Variants in LAMP1 observed in about 807,000 individuals in gnomAD.
LAMP1 encodes lysosome-associated membrane glycoprotein 1.
LAMP1 carries 7 observed loss-of-function variants against 37.5 expected under a neutral mutation model. The observed-to-expected ratio is 0.19, with a 90% CI of 0.11 to 0.35. LAMP1 has a LOEUF of 0.35. LAMP1 is among the 10% of genes least tolerant of loss of function. The pLI, the probability that LAMP1 is intolerant of heterozygous loss-of-function variation, is 1.00. For missense variants in LAMP1, 537 were observed against 552.8 expected, an observed-to-expected ratio of 0.97 and a Z score of 0.29; for synonymous variants, 236 against 229.1, an observed-to-expected ratio of 1.03 and a Z score of -0.27.
In LAMP1 at chr13:113,301,637, AAAAAAAAATATATATATAT is replaced by A. The variant is rs1283731120; in HGVS notation, c.61+4144_61+4162del. ...GACTCTGTTTCCATTTAAAAAAAAA[AAAAAAAAATATATATATAT>A]ATATATATATATATATATATATATA... On this transcript the variant is annotated intron_variant, in intron 1 of 8. Transcript: ENST00000332556. 3.6e-3 allele frequency among the ~76,000 whole-genome samples: 95 copies of A among 26,142 alleles called. 3 individuals are homozygous for A. The highest frequency in any genetic ancestry group is 9.1e-3 in the African/African-American group (84 of 9,250). 17.2% of individuals were successfully genotyped at this position (26,142 alleles called of 152,430 possible).
chr13:113,297,598 C>G lies in LAMP1; in HGVS notation c.61+103C>G, dbSNP rs546652411. The G allele has an allele frequency of 4.3e-5, 47 of 1,093,678 alleles. No individual in the cohort carries two copies. In the East Asian group the frequency reaches 1.6e-3, roughly 38 times the overall value. The allele number at this position is 1,093,678 out of a possible 1,614,324, so 67.7% of individuals were successfully genotyped here. A position where few individuals can be genotyped will look rare whatever the true frequency, so the allele number is the denominator to read the frequency against. ...TGCCGGGTCGTTGTCCCGCGGGTCG[C>G]CCCGCACCCACTGCTCCTGGTCCCG... On this transcript the variant is annotated intron_variant, in intron 1 of 8. Transcript: ENST00000332556. This position sits in a 1 kb window ranked among gnomAD's most constrained non-coding sequence, Gnocchi z 4.4.
At chr13:113,316,159 G>A (rs149465532) in intron 4 of LAMP1, among the ~76,000 whole-genome samples, 1 of 152,292 alleles carries the variant, frequency 6.6e-6, no homozygotes, top group East Asian at 1.9e-4. Flanking sequence ...TCTGAGTGCA[G>A]CTCTGCCTGA....
At chr13:113,317,250 C>CG (rs1170734504) in intron 4 of LAMP1, among the ~76,000 whole-genome samples, 1 of 152,160 alleles carries the variant, frequency 6.6e-6, no homozygotes, top group Admixed American at 6.6e-5. Context: ...CATCTCCCCC[C>CG]GGGCAGCGCA....
At position 113,297,535 on chromosome 13, in the gene LAMP1, G is replaced by A; in HGVS notation, c.61+40G>A. On this transcript the variant is annotated intron_variant, in intron 1 of 8. Coordinates refer to ENST00000332556, the MANE Select transcript of LAMP1 (RefSeq NM_005561.4). The surrounding 1 kb of genome is among the most constrained non-coding windows in gnomAD (Gnocchi z 4.4). ...GCGGGGCCTGGGAGCGGCGGGACCG[G>A]GCGGAGCCGAGGTCCCTGGGTCTTG... 8.1e-7 allele frequency: 1 copy of A among 1,228,108 alleles called. No individual in the cohort carries two copies. Among genetic ancestry groups the A allele is most frequent in the East Asian group, 3.2e-5 (1 of 31,298 alleles). The allele number at this position is 1,228,108 out of a possible 1,614,324, so 76.1% of individuals were successfully genotyped here.
At chr13:113,318,688 C>T (rs1038803924) in intron 4 of LAMP1, among the ~76,000 whole-genome samples, 1 of 152,060 alleles carries the variant, frequency 6.6e-6, no homozygotes, top group Non-Finnish European at 1.5e-5. Context: ...CCATGTGCCC[C>T]CCCACCCCCA....
rs183236213 is a variant in LAMP1 at position 113,299,363 on chromosome 13, C to T, written c.61+1868C>T. Among the ~76,000 whole-genome samples the T allele has an allele frequency of 2.4e-3, 363 of 150,566 alleles. 3 individuals carry two copies. Among genetic ancestry groups the T allele is most frequent in the African/African-American group, 8.5e-3 (350 of 41,004 alleles). Reference sequence around the variant, plus strand: ...CACTACAACTTCTGCCTCCTGGGTTCGAGCAATTCTTCTGCCTCAGCTTCC... The same window carrying T: ...CACTACAACTTCTGCCTCCTGGGTTTGAGCAATTCTTCTGCCTCAGCTTCC... On this transcript the variant is annotated intron_variant, in intron 1 of 8. Transcript: ENST00000332556.
At chr13:113,308,436 A>G in intron 2 of LAMP1, among the ~76,000 whole-genome samples, 1 of 142,332 alleles carries the variant, frequency 7.0e-6, no homozygotes, top group Non-Finnish European at 1.5e-5. Flanking sequence ...GGGTTCAAGC[A>G]ATTCTTCTGC....
chr13:113,307,957 CAAAAAAAA>C (rs56212251), intron 2 of LAMP1, among the ~76,000 whole-genome samples: 3 of 59,900 alleles, frequency 5.0e-5, no homozygotes, highest in African/African-American at 5.9e-5. Context: ...AGACCATCTC[CAAAAAAAA>C]AAAAAAAAAA....
chr13:113,301,642 AAAATATATAT>A (rs1280352693), intron 1 of LAMP1, among the ~76,000 whole-genome samples: 14 of 37,482 alleles, frequency 3.7e-4, no homozygotes, highest in African/African-American at 2.3e-3. Context: ...AAAAAAAAAA[AAAATATATAT>A]ATATATATAT....
At chr13:113,322,159 C>G (rs1595465551) in intron 8 of LAMP1, 123 bp from the exon 9 acceptor site, 1 of 1,148,416 alleles carries the variant, frequency 8.7e-7, no homozygotes. Context: ...CCAGCTAGAG[C>G]TGGAACCTTC....
At chr13:113,298,097 C>G (rs866897028) in intron 1 of LAMP1, among the ~76,000 whole-genome samples, 2 of 152,098 alleles carry the variant, frequency 1.3e-5, no homozygotes, top group African/African-American at 4.8e-5. Context: ...TTAAAGTTAT[C>G]TTTGGGATTT....
intron 1 of LAMP1, among the ~76,000 whole-genome samples, chr13:113,303,323 G>T (rs1248184005): frequency 2.6e-5 from 4 of 152,188 alleles, no homozygotes; most frequent in African/African-American, 9.7e-5. Flanking sequence ...CCAAGTGGGG[G>T]TATTTTGAAG....
rs571760074 is a variant in LAMP1 at position 113,300,688 on chromosome 13, C to T, written c.61+3193C>T. On this transcript the variant is annotated intron_variant, in intron 1 of 8. Transcript: ENST00000332556. Reference sequence around the variant, plus strand: ...AAAAAGTTAGCCAGGCGTAGTGGCACAGGCCTGTAGTCCCAGTTACTCAGG... The same window carrying T: ...AAAAAGTTAGCCAGGCGTAGTGGCATAGGCCTGTAGTCCCAGTTACTCAGG... Among the ~76,000 whole-genome samples the T allele has an allele frequency of 4.6e-5, 7 of 151,326 alleles. No homozygotes were observed. In the South Asian group the frequency reaches 1.5e-3, roughly 32 times the overall value.
rs771842406 is a variant in LAMP1, at chr13:113,322,267, C to T, written c.1115-15C>T. 3.1e-5 allele frequency: 49 copies of T among 1,604,688 alleles called. 2 individuals are homozygous for T. Among genetic ancestry groups the T allele is most frequent in the South Asian group, 3.0e-4 (27 of 90,382 alleles). On this transcript the variant is annotated splice_polypyrimidine_tract_variant and intron_variant, in intron 8 of 8. Transcript: ENST00000332556. ...GTGTGAGCAGAGCCCTGACACCATCCGTCTGTCTTGGCAGTGGAGGAGTGT... is the reference window on the plus strand; with the variant it reads ...GTGTGAGCAGAGCCCTGACACCATCTGTCTGTCTTGGCAGTGGAGGAGTGT...
At position 113,308,253 on chromosome 13, in the gene LAMP1, T is replaced by C. The variant is rs1833346390; in HGVS notation, c.184-1390T>C. Among the ~76,000 whole-genome samples the C allele has an allele frequency of 1.3e-5, 2 of 151,342 alleles. 1 individual carries two copies. Among genetic ancestry groups the C allele is most frequent in the South Asian group, 4.2e-4 (2 of 4,808 alleles). ...CTGGTCTTAAACTACTGGCCTCAAG[T>C]GATCTGCCCACCTTGGCCTCCCAAA... On this transcript the variant is annotated intron_variant, in intron 2 of 8. Coordinates refer to ENST00000332556, the MANE Select transcript of LAMP1 (RefSeq NM_005561.4).
rs760942957 is a variant in LAMP1 at position 113,309,693 on chromosome 13, C to T, written c.234C>T (p.Ser78=). ...ATGCCACAGTGGTGCTCAACCGCAG[C>T]TCCTGTGGAAAAGAGAACACTTCTG... is the stretch of plus-strand genomic sequence containing the variant. ...PSDATVVLNR[S]SCGKENTSDP... is the part of the protein sequence containing the mutation. The change falls in exon 3 of 9, where the codon AGC becomes AGT. Residue 78 remains serine, a synonymous_variant. Coordinates refer to ENST00000332556, the MANE Select transcript of LAMP1 (RefSeq NM_005561.4). 1.2e-6 allele frequency: 2 copies of T among 1,614,186 alleles called. No homozygotes were observed. The highest frequency in any genetic ancestry group is 2.7e-5 in the African/African-American group (2 of 75,028).
chr13:113,302,110 A>G (rs974172328), intron 1 of LAMP1, among the ~76,000 whole-genome samples: 3 of 151,730 alleles, frequency 2.0e-5, no homozygotes, highest in Admixed American at 1.3e-4. Context: ...TGATCTGCCC[A>G]CCTCGGCCTC....
chr13:113,309,529 T>A, intron 2 of LAMP1, 114 bp from the exon 3 acceptor site: 1 of 767,012 alleles, frequency 1.3e-6, no homozygotes. Context: ...TCAGTAGTGA[T>A]ATCTTAGTTG....
At position 113,297,715 on chromosome 13, in the gene LAMP1, T is replaced by A. The variant is rs1441547398; in HGVS notation, c.61+220T>A. On this transcript the variant is annotated intron_variant, in intron 1 of 8. Transcript: ENST00000332556. This position sits in a 1 kb window ranked among gnomAD's most constrained non-coding sequence, Gnocchi z 4.4. ...GTGCTTGGGGGACCAGGAGGTCTCA[T>A]CCCAGGACCTGGCTCCTCTAAGGTC... Among the ~76,000 whole-genome samples the A allele has an allele frequency of 2.0e-4, 30 of 152,188 alleles. 1 individual carries two copies.
Sources: allele counts gnomAD v4.1 joint callset (sites outside exome capture counted in the v4.1 genomes callset), GRCh38; gene constraint gnomAD v4.1.1; non-coding constraint Gnocchi (gnomAD v3.1); transcripts MANE v1.5; gene names NCBI Gene and HGNC (gene_info 2026-07-23, HGNC 2026-07-21).